Variants in HIP1R observed in about 807,000 individuals in gnomAD.
HIP1R encodes huntingtin interacting protein 1 related.
In HIP1R, 135 loss-of-function variants were observed where a neutral mutation model predicts 144.2. The ratio of observed to expected loss-of-function variants is 0.94; its 90% CI spans 0.81 to 1.08. HIP1R has a LOEUF of 1.08. HIP1R is among the 50% of genes least tolerant of loss of function. The probability of loss-of-function intolerance (pLI) is 0.00; values close to 1 mark genes in which losing one functional copy is unlikely to be tolerated. For synonymous variants in HIP1R, 698 were observed against 612.8 expected, an observed-to-expected ratio of 1.14 and a Z score of -2.05; for missense variants, 1,462 against 1,432.8, an observed-to-expected ratio of 1.02 and a Z score of -0.33.
At chr12:122,851,700 AAAAG>A (rs2033402666) in intron 7 of HIP1R, among the ~76,000 whole-genome samples, 1 of 150,656 alleles carries the variant, frequency 6.6e-6, no homozygotes, top group African/African-American at 2.5e-5. Context: ...AAAAAAAAGA[AAAAG>A]AAATGCCCCT....
At chr12:122,859,623 A>G (rs1172844855) in intron 23 of HIP1R, 87 bp downstream of exon 23, 2 of 1,346,202 alleles carry the variant, frequency 1.5e-6, no homozygotes, top group African/African-American at 1.5e-5. Context: ...GGCTGCACCC[A>G]CTCCTGCTCT....
At chr12:122,843,039 C>G (rs186531559) in intron 1 of HIP1R, among the ~76,000 whole-genome samples, 10 of 152,356 alleles carry the variant, frequency 6.6e-5, no homozygotes, top group Admixed American at 2.0e-4. Flanking sequence ...GCTCTGCCAG[C>G]CCCAAGGCCT....
chr12:122,857,380 T>TCAC, intron 18 of HIP1R, 165 bp downstream of exon 18: 1 of 689,836 alleles, frequency 1.4e-6, no homozygotes, highest in South Asian at 1.7e-5. Context: ...TTGTCAAGGG[T>TCAC]CACCACATCA....
chr12:122,855,068 C>T lies in HIP1R; in HGVS notation c.792C>T (p.Phe264=). 6.2e-7 allele frequency: 1 copy of T among 1,613,904 alleles called. No individual in the cohort carries two copies. The highest frequency in any genetic ancestry group is 8.5e-7 in the Non-Finnish European group (1 of 1,180,014). Reference sequence around the variant, plus strand: ...ATCTCTGCAGCCTCAGGAACTTCTTCCGCAGAGCCTCCGACATGCTGTACT... The same window carrying T: ...ATCTCTGCAGCCTCAGGAACTTCTTTCGCAGAGCCTCCGACATGCTGTACT... ...HEQFHSLRNF[F]RRASDMLYFK... Residue 264 remains phenylalanine (F), a synonymous_variant, in exon 10 of 32, where the codon TTC becomes TTT. Coordinates refer to ENST00000253083, the MANE Select transcript of HIP1R (RefSeq NM_003959.3).
chr12:122,857,472 A>C (rs1487990239), intron 18 of HIP1R: 3 of 576,162 alleles, frequency 5.2e-6, no homozygotes, highest in Non-Finnish European at 9.4e-6. Context: ...TTATCTGTTC[A>C]TCACTTGGTG....
intron 1 of HIP1R, 31 bp from the exon 2 acceptor site, chr12:122,848,000 G>T: frequency 6.2e-7 from 1 of 1,611,652 alleles, no homozygotes; most frequent in South Asian, 1.1e-5. Flanking sequence ...GCTGCCTGGG[G>T]CTCTAAACAC....
chr12:122,858,901 A>G lies in HIP1R; in HGVS notation c.2114A>G (p.Asn705Ser), dbSNP rs371060995. 34 of 1,613,154 alleles carry G rather than the reference A, an allele frequency of 2.1e-5. No homozygotes were observed. The highest frequency in any genetic ancestry group is 1.1e-4 in the African/African-American group (8 of 75,036). The change falls in exon 21 of 32, where the codon AAT becomes AGT. Residue 705 changes from asparagine (N) to serine (S), a missense_variant. Asn to Ser is a conservative substitution (Grantham distance 46). This residue lies in a region of HIP1R where 1,112 missense variants were observed against 1,011.7 expected (regional missense o/e 1.10). Coordinates refer to ENST00000253083, the MANE Select transcript of HIP1R (RefSeq NM_003959.3). ...CACCTGGCTGCGGATACCATCATCA[A>G]TGGCGGTGCCACCTCGCACCTGGCT... The part of the protein sequence containing the change: ...FSHLAADTII[N>S]GGATSHLAPT...
At chr12:122,856,195 G>C (rs2033569839) in intron 14 of HIP1R, 32 bp downstream of exon 14, 1 of 1,612,138 alleles carries the variant, frequency 6.2e-7, no homozygotes, top group Non-Finnish European at 8.5e-7. Flanking sequence ...GGGGTCCAAG[G>C]GTGTGTCCCC....
At chr12:122,835,071 A>C, upstream of HIP1R, 1 of 1,152,932 alleles carries the variant, frequency 8.7e-7, no homozygotes, top group Non-Finnish European at 1.1e-6. Flanking sequence ...TGGAAGGAGG[A>C]GGGAGGGGTT....
chr12:122,861,682 A>AC lies in HIP1R; in HGVS notation c.3160-18dup, dbSNP rs763946027. ...CCCAGGTGCCTGGCTGTGACCACTG[A>AC]CCCCCCACCTTTAACCCCTGCAGCT... On this transcript the variant is annotated intron_variant, in intron 31 of 31. Coordinates refer to ENST00000253083, the MANE Select transcript of HIP1R (RefSeq NM_003959.3). The AC allele has an allele frequency of 5.6e-5, 90 of 1,613,388 alleles. 1 individual carries two copies. Among genetic ancestry groups the AC allele is most frequent in the South Asian group, 3.7e-4 (34 of 91,016 alleles).
Position 122,835,544 on chromosome 12 carries a change from C to G in HIP1R, c.-7C>G, listed in dbSNP as rs1312320242. ...GGAGCCGGACAAAAGCGGGCGGCGG[C>G]GGCAGGATGAACAGCATCAAGAACG... On this transcript the variant is annotated 5_prime_UTR_variant, in exon 1 of 32. Transcript: ENST00000253083. 11 of 1,334,488 alleles carry G rather than the reference C, an allele frequency of 8.2e-6. No homozygotes were observed. The highest frequency in any genetic ancestry group is 1.1e-5 in the Non-Finnish European group (11 of 1,035,338). 82.7% of individuals were successfully genotyped at this position (1,334,488 alleles called of 1,614,324 possible). A position where few individuals can be genotyped will look rare whatever the true frequency, so the allele number is the denominator to read the frequency against.
chr12:122,851,424 G>A (rs780160593), intron 7 of HIP1R, 127 bp downstream of exon 7: 15 of 701,898 alleles, frequency 2.1e-5, no homozygotes, highest in African/African-American at 1.9e-5. Context: ...CTGGCCAGCC[G>A]CAGTGGCTCA....
intron 1 of HIP1R, among the ~76,000 whole-genome samples, chr12:122,847,367 C>T (rs939886301): frequency 6.6e-6 from 1 of 152,184 alleles, no homozygotes; most frequent in Non-Finnish European, 1.5e-5. Flanking sequence ...TGGCCTTGGT[C>T]AAGTGTGAAG....
At chr12:122,857,975 C>A in intron 18 of HIP1R, 127 bp from the exon 19 acceptor site, 1 of 764,678 alleles carries the variant, frequency 1.3e-6, no homozygotes, top group Non-Finnish European at 2.0e-6. Context: ...CTAGAAATCT[C>A]CACCCCCCTG....
intron 18 of HIP1R, chr12:122,857,805 G>T: frequency 2.8e-6 from 1 of 354,436 alleles, no homozygotes. Context: ...TCACGGTCTT[G>T]ATTTGTGTTT....
chr12:122,850,980 C>G (rs2271050), intron 6 of HIP1R, 69 bp downstream of exon 6: 4 of 1,423,608 alleles, frequency 2.8e-6, no homozygotes, highest in African/African-American at 1.4e-5. Flanking sequence ...CCGCGTCTCA[C>G]GCCCAGGCGT....
intron 7 of HIP1R, chr12:122,853,725 C>T (rs373145146): frequency 4.0e-5 from 11 of 273,752 alleles, no homozygotes; most frequent in East Asian, 2.3e-4. Flanking sequence ...GTTTGAGGCC[C>T]GTGGGCATGG....
chr12:122,841,332 A>G (rs1017121454), intron 1 of HIP1R, among the ~76,000 whole-genome samples: 1 of 152,200 alleles, frequency 6.6e-6, no homozygotes, highest in African/African-American at 2.4e-5. Context: ...GGGTGGGCGC[A>G]TGTGTAGACC....
Position 122,836,559 on chromosome 12 carries a change from G to C in HIP1R, c.93+916G>C, listed in dbSNP as rs1165825103. On this transcript the variant is annotated intron_variant, in intron 1 of 31. Coordinates refer to ENST00000253083, the MANE Select transcript of HIP1R (RefSeq NM_003959.3). The surrounding 1 kb of genome is among the most constrained non-coding windows in gnomAD (Gnocchi z 4.1). ...TGAAGTGCTCTCAGGCTTGGGGGAT[G>C]GGCGGTGGAGGGGGGCATACTTGTT... 6.6e-6 allele frequency among the ~76,000 whole-genome samples: 1 copy of C among 152,150 alleles called. No individual in the cohort carries two copies. Among genetic ancestry groups the C allele is most frequent in the African/African-American group, 2.4e-5 (1 of 41,434 alleles).
Sources: gnomAD v4.1 joint callset for allele counts (sites outside exome capture counted in the v4.1 genomes callset) on GRCh38, gnomAD v4.1.1 for gene constraint, gnomAD v4.1.1 regional missense constraint, Gnocchi (gnomAD v3.1) non-coding constraint, MANE v1.5 for transcripts, NCBI Gene and HGNC (gene_info 2026-07-23, HGNC 2026-07-21) for gene names.